Variants in MCMDC2 observed in about 807,000 individuals in gnomAD.
MCMDC2 encodes minichromosome maintenance domain-containing protein 2.
A neutral mutation model predicts 75.8 loss-of-function variants in MCMDC2; 54 were observed. That is an observed-to-expected ratio of 0.71 (90% CI 0.57 to 0.89). The LOEUF (loss-of-function observed/expected upper bound fraction) is 0.89, where lower values mean the gene tolerates loss of function less well. MCMDC2 is among the 40% of genes least tolerant of loss of function. The pLI is 0.00. For synonymous variants in MCMDC2, 249 were observed against 274.6 expected, an observed-to-expected ratio of 0.91 and a Z score of 0.92; for missense variants, 656 against 780.4, an observed-to-expected ratio of 0.84 and a Z score of 1.90.
intron 1 of MCMDC2, among the ~76,000 whole-genome samples, chr8:66,872,682 G>A (rs552328706): frequency 6.6e-6 from 1 of 152,178 alleles, no homozygotes; most frequent in African/African-American, 2.4e-5. Flanking sequence ...ATGAGGCCGG[G>A]TGCGGTGGCT....
intron 9 of MCMDC2, 108 bp from the exon 10 acceptor site, chr8:66,890,757 G>A: frequency 1.1e-6 from 1 of 901,350 alleles, no homozygotes; most frequent in South Asian, 1.6e-5. Flanking sequence ...TAGCACAATA[G>A]CTGGTGTATC....
intron 5 of MCMDC2, 149 bp downstream of exon 5, chr8:66,877,693 C>T (rs1259605609): frequency 1.1e-5 from 6 of 545,102 alleles, no homozygotes; most frequent in East Asian, 6.7e-5. Context: ...GGAGAAACCT[C>T]GTCTCTACAA....
intron 4 of MCMDC2, among the ~76,000 whole-genome samples, chr8:66,876,272 T>G (rs1362304948): frequency 6.6e-6 from 1 of 152,232 alleles, no homozygotes; most frequent in Non-Finnish European, 1.5e-5. Context: ...CATCAGCTAT[T>G]TAGTTACTCT....
At chr8:66,922,471 G>C, downstream of MCMDC2, 1 of 518,348 alleles carries the variant, frequency 1.9e-6, no homozygotes. Flanking sequence ...TACAGTACTG[G>C]CATCTCAGTC....
chr8:66,882,827 A>T (rs1811655870), intron 8 of MCMDC2, among the ~76,000 whole-genome samples: 1 of 152,248 alleles, frequency 6.6e-6, no homozygotes, highest in Non-Finnish European at 1.5e-5. Flanking sequence ...CTGATGAATT[A>T]TAGAGGGTTT....
At chr8:66,872,928 G>GTCCAACT (rs1811092377) in intron 1 of MCMDC2, among the ~76,000 whole-genome samples, 1 of 138,260 alleles carries the variant, frequency 7.2e-6, no homozygotes, top group Non-Finnish European at 1.5e-5. Flanking sequence ...CTGTACTCCA[G>GTCCAACT]CCTGGGCGAC....
chr8:66,871,101 C>T (rs982151141), intron 1 of MCMDC2, among the ~76,000 whole-genome samples: 3 of 152,164 alleles, frequency 2.0e-5, no homozygotes, highest in Non-Finnish European at 4.4e-5. Flanking sequence ...CCTCACTTAA[C>T]GCTTTTCCAC....
chr8:66,911,825 GAA>G (rs1271899443), intron 14 of MCMDC2, among the ~76,000 whole-genome samples: 1 of 131,674 alleles, frequency 7.6e-6, no homozygotes. Flanking sequence ...TCTGTCTCAA[GAA>G]AAAAAAAAAA....
At chr8:66,918,210 G>A (rs1028690010) in intron 14 of MCMDC2, among the ~76,000 whole-genome samples, 1 of 152,064 alleles carries the variant, frequency 6.6e-6, no homozygotes, top group Non-Finnish European at 1.5e-5. Context: ...TTAGAGAAAC[G>A]ATATTAGTTC....
At chr8:66,922,440 C>A, downstream of MCMDC2, 1 of 511,310 alleles carries the variant, frequency 2.0e-6, no homozygotes. Flanking sequence ...GCCTTACATA[C>A]ATGTCAGTAA....
At chr8:66,908,532 G>C (rs1452443357) in intron 14 of MCMDC2, among the ~76,000 whole-genome samples, 1 of 152,164 alleles carries the variant, frequency 6.6e-6, no homozygotes, top group Non-Finnish European at 1.5e-5. Context: ...ACGGTAATAA[G>C]ATGAAAATAT....
rs1467425752 is a variant in MCMDC2 at position 66,902,711 on chromosome 8, A to AAAATATATAT, written c.1769+1364_1769+1365insAATATATATA. ...CTGTCTCAAAAAAAAAAAAAAAAAA[A>AAAATATATAT]ATATATATATATATATATATATATA... is the stretch of plus-strand genomic sequence containing the variant. On this transcript the variant is annotated intron_variant, in intron 13 of 14. Coordinates refer to ENST00000422365, the MANE Select transcript of MCMDC2 (RefSeq NM_173518.5). Among the ~76,000 whole-genome samples, 12 of 67,922 alleles carry AAAATATATAT rather than the reference A, an allele frequency of 1.8e-4. No homozygotes were observed. In the East Asian group the frequency reaches 2.0e-3, roughly 11 times the overall value. The allele number at this position is 67,922 out of a possible 152,430, so 44.6% of individuals were successfully genotyped here. A position where few individuals can be genotyped will look rare whatever the true frequency, so the allele number is the denominator to read the frequency against.
intron 7 of MCMDC2, among the ~76,000 whole-genome samples, 164 bp downstream of exon 7, chr8:66,879,083 C>A (rs1310591952): frequency 6.6e-6 from 1 of 151,918 alleles, no homozygotes; most frequent in Non-Finnish European, 1.5e-5. Flanking sequence ...TAGTGAGACC[C>A]CATCTCTACA....
At chr8:66,917,359 G>T (rs1489608253) in intron 14 of MCMDC2, among the ~76,000 whole-genome samples, 1 of 152,120 alleles carries the variant, frequency 6.6e-6, no homozygotes, top group African/African-American at 2.4e-5. Context: ...ATGAATTAAT[G>T]AATAAAAGAG....
At chr8:66,880,146 T>A (rs1811492287) in intron 7 of MCMDC2, among the ~76,000 whole-genome samples, 2 of 152,184 alleles carry the variant, frequency 1.3e-5, no homozygotes, top group Admixed American at 6.6e-5. Flanking sequence ...CAAACCTAAA[T>A]GTGAATTTCA....
intron 12 of MCMDC2, among the ~76,000 whole-genome samples, chr8:66,897,633 C>G (rs1269334532): frequency 6.6e-6 from 1 of 152,104 alleles, no homozygotes; most frequent in Non-Finnish European, 1.5e-5. Flanking sequence ...CTGCATTTTA[C>G]TGTCTATTCA....
At chr8:66,911,981 C>A (rs1813139637) in intron 14 of MCMDC2, among the ~76,000 whole-genome samples, 1 of 152,212 alleles carries the variant, frequency 6.6e-6, no homozygotes, top group African/African-American at 2.4e-5. Flanking sequence ...GTAATTTCAA[C>A]ATTCAAGACT....
rs1479907093 is a variant in MCMDC2, at chr8:66,874,186, A to G, written c.46A>G (p.Arg16Gly). 2 of 1,610,944 alleles carry G rather than the reference A, an allele frequency of 1.2e-6. No homozygotes were observed. The highest frequency in any genetic ancestry group is 3.4e-5 in the Admixed American group (2 of 59,314). Reference sequence around the variant, plus strand: ...AGAGGCGGCCCTCATCTATCTTGACAGAAGTGGAGGCCTCCAAAAGTTTAT... The same window carrying G: ...AGAGGCGGCCCTCATCTATCTTGACGGAAGTGGAGGCCTCCAAAAGTTTAT... ...MKEAALIYLD[R>G]SGGLQKFIDD... Residue 16 changes from arginine to glycine, a missense_variant, in exon 2 of 15, where the codon AGA (arginine) becomes GGA (glycine). Physicochemically the swap from Arg to Gly is moderately radical, Grantham distance 125 (BLOSUM62 -2). Transcript: ENST00000422365.
intron 9 of MCMDC2, chr8:66,884,201 C>T: frequency 3.5e-6 from 2 of 574,066 alleles, no homozygotes; most frequent in Non-Finnish European, 3.1e-6. Context: ...CAACCTATTT[C>T]CCCACTCAGA....
Sources: allele counts gnomAD v4.1 joint callset (sites outside exome capture counted in the v4.1 genomes callset), GRCh38; gene constraint gnomAD v4.1.1; transcripts MANE v1.5; gene names NCBI Gene and HGNC (gene_info 2026-07-23, HGNC 2026-07-21).